TLE4: variants seen among roughly 807,000 people sequenced by gnomAD.
The protein encoded by TLE4 is transducin-like enhancer protein 4.
Under a neutral mutation model 92.8 loss-of-function variants are expected in TLE4, and 8 were observed. The ratio of observed to expected loss-of-function variants is 0.09; its 90% CI spans 0.05 to 0.16. The LOEUF is 0.16. Among genes scored for constraint, TLE4 ranks in the 10% least tolerant of loss-of-function variants. The probability of loss-of-function intolerance (pLI) is 1.00; values close to 1 mark genes in which losing one functional copy is unlikely to be tolerated. For missense variants in TLE4, 675 were observed against 997.6 expected (o/e 0.68, Z 4.36); for synonymous variants, 371 against 374.1 (o/e 0.99, Z 0.10).
chr9:79,693,471 G>C (rs1466130185), intron 8 of TLE4, among the ~76,000 whole-genome samples: 1 of 152,116 alleles, frequency 6.6e-6, no homozygotes, highest in African/African-American at 2.4e-5. Flanking sequence ...ATACTTGCTT[G>C]TACGCATTAG....
chr9:79,673,252 A>G (rs1307820124), intron 8 of TLE4, among the ~76,000 whole-genome samples: 3 of 152,224 alleles, frequency 2.0e-5, no homozygotes, highest in African/African-American at 7.2e-5. Context: ...ATTTTTTTAT[A>G]GTGTCACAAC....
At chr9:79,674,209 G>C (rs1347194672) in intron 8 of TLE4, among the ~76,000 whole-genome samples, 3 of 152,160 alleles carry the variant, frequency 2.0e-5, no homozygotes, top group Non-Finnish European at 4.4e-5. Flanking sequence ...CTAGCTTTAT[G>C]ACCTTGGACA....
In TLE4 at chr9:79,688,171, A is replaced by G. The variant is rs150915537; in HGVS notation, c.610-16612A>G. On this transcript the variant is annotated intron_variant, in intron 8 of 19. Transcript: ENST00000376552. Reference sequence around the variant, plus strand: ...GTCACAGTATACTTCGTGCTGTCCTATAGTGCTTATAAGGACCTGCCATCT... The same window carrying G: ...GTCACAGTATACTTCGTGCTGTCCTGTAGTGCTTATAAGGACCTGCCATCT... Among the ~76,000 whole-genome samples the G allele has an allele frequency of 4.5e-3, 687 of 152,278 alleles. 3 individuals carry two copies. Among genetic ancestry groups the G allele is most frequent in the Non-Finnish European group, 6.3e-3 (426 of 68,022 alleles).
chr9:79,581,797 A>G lies in TLE4; in HGVS notation c.252+5620A>G, dbSNP rs1342186859. ...GCCCCAGTTCATTCCTGAAATAGAG[A>G]GTCCCTGAACTTTAGGCTCATACGC... On this transcript the variant is annotated intron_variant, in intron 4 of 19. Coordinates refer to ENST00000376552, the MANE Select transcript of TLE4 (RefSeq NM_007005.6). Among the ~76,000 whole-genome samples the G allele has an allele frequency of 3.9e-5, 6 of 152,078 alleles. No homozygotes were observed. The South Asian group carries it at 8.3e-4, about 21-fold the overall frequency.
chr9:79,577,412 T>C (rs530487530), intron 4 of TLE4, among the ~76,000 whole-genome samples: 108 of 152,358 alleles, frequency 7.1e-4, no homozygotes, highest in African/African-American at 2.4e-3. Flanking sequence ...ACTGTTTTAC[T>C]TTGTATGCTA....
chr9:79,670,480 A>G (rs892068181), intron 8 of TLE4, among the ~76,000 whole-genome samples: 1 of 152,200 alleles, frequency 6.6e-6, no homozygotes, highest in Non-Finnish European at 1.5e-5. Flanking sequence ...TTACAGACAG[A>G]TATGCCTCAG....
intron 4 of TLE4, among the ~76,000 whole-genome samples, chr9:79,604,981 G>A (rs1324709813): frequency 6.6e-6 from 1 of 152,010 alleles, no homozygotes; most frequent in Non-Finnish European, 1.5e-5. Flanking sequence ...ATTTATGTCA[G>A]TAGGAAAGAG....
chr9:79,679,574 C>G (rs1457671596), intron 8 of TLE4, among the ~76,000 whole-genome samples: 2 of 152,124 alleles, frequency 1.3e-5, no homozygotes, highest in Admixed American at 6.5e-5. Flanking sequence ...GTTGCCTGTT[C>G]ACTCTGATGG....
intron 6 of TLE4, among the ~76,000 whole-genome samples, chr9:79,636,837 G>A (rs1362530232): frequency 6.6e-6 from 1 of 152,076 alleles, no homozygotes; most frequent in African/African-American, 2.4e-5. Flanking sequence ...ATACGTATTT[G>A]TATGATAAAT....
chr9:79,709,479 A>C, intron 13 of TLE4, 144 bp from the exon 14 acceptor site: 2 of 594,708 alleles, frequency 3.4e-6, no homozygotes, highest in Non-Finnish European at 5.6e-6. Flanking sequence ...TTATCATTTC[A>C]CCAATAAATA....
intron 4 of TLE4, among the ~76,000 whole-genome samples, chr9:79,598,250 AAAAAAAAAAAAAG>A (rs1458362929): frequency 2.0e-4 from 30 of 147,966 alleles, no homozygotes; most frequent in African/African-American, 7.1e-4. Context: ...CTCCGTCTCA[AAAAAAAAAAAAAG>A]AAAAAAAAAA....
chr9:79,655,126 G>A (rs1195057548), intron 8 of TLE4, among the ~76,000 whole-genome samples: 2 of 152,116 alleles, frequency 1.3e-5, no homozygotes, highest in African/African-American at 4.8e-5. Context: ...TGGCGACAGA[G>A]TGAGACTCTG....
chr9:79,634,759 G>A (rs1295859692), intron 6 of TLE4, among the ~76,000 whole-genome samples: 1 of 152,116 alleles, frequency 6.6e-6, no homozygotes, highest in Admixed American at 6.6e-5. Flanking sequence ...GTAGCCTTCC[G>A]AGGTTTCTTC....
chr9:79,593,215 G>C (rs542885124), intron 4 of TLE4, among the ~76,000 whole-genome samples: 207 of 152,068 alleles, frequency 1.4e-3, no homozygotes, highest in African/African-American at 4.7e-3. Flanking sequence ...AAAAAAAAAC[G>C]AAAACCGAAA....
chr9:79,668,025 C>T (rs2061681024), intron 8 of TLE4, among the ~76,000 whole-genome samples: 1 of 152,244 alleles, frequency 6.6e-6, no homozygotes, highest in African/African-American at 2.4e-5. Flanking sequence ...AATGATTAGA[C>T]AAGCACTTGT....
intron 19 of TLE4, 77 bp downstream of exon 19, chr9:79,723,112 G>A: frequency 1.4e-6 from 2 of 1,404,300 alleles, no homozygotes; most frequent in Admixed American, 1.7e-5. Context: ...TTAATAATGT[G>A]CAGAAGTGTC....
intron 8 of TLE4, among the ~76,000 whole-genome samples, chr9:79,672,001 T>C (rs2062456735): frequency 8.2e-6 from 1 of 121,916 alleles, no homozygotes. Context: ...AACACTTTTT[T>C]TTTTTTTTTT....
chr9:79,613,320 C>T (rs11138309), intron 5 of TLE4, among the ~76,000 whole-genome samples: 1 of 152,066 alleles, frequency 6.6e-6, no homozygotes, highest in Admixed American at 6.6e-5. Flanking sequence ...TTGCTAAGGC[C>T]TGGCATGCGG....
intron 8 of TLE4, among the ~76,000 whole-genome samples, chr9:79,666,737 A>G (rs1238691314): frequency 6.6e-6 from 1 of 152,186 alleles, no homozygotes; most frequent in Non-Finnish European, 1.5e-5. Context: ...GTTTAGGGGA[A>G]AAAAATGCTG....
Sources: gnomAD v4.1 joint callset for allele counts (sites outside exome capture counted in the v4.1 genomes callset) on GRCh38, gnomAD v4.1.1 for gene constraint, MANE v1.5 for transcripts, NCBI Gene and HGNC (gene_info 2026-07-23, HGNC 2026-07-21) for gene names.